The following PRKCE variants were observed in gnomAD, a reference collection of about 807,000 sequenced individuals.
PRKCE encodes protein kinase C epsilon, also known as protein kinase C epsilon type.
A neutral mutation model predicts 85.4 loss-of-function variants in PRKCE; 16 were observed. The observed-to-expected ratio is 0.19, with a 90% CI of 0.13 to 0.28. PRKCE has a LOEUF of 0.28. PRKCE is among the 10% of genes least tolerant of loss of function. PRKCE has a pLI of 1.00. For synonymous variants in PRKCE, 388 were observed against 371.5 expected (o/e 1.04, Z -0.51); for missense variants, 573 against 975.2 (o/e 0.59, Z 5.49).
Position 45,697,560 on chromosome 2 carries a change from T to G in PRKCE, c.348+45112T>G, listed in dbSNP as rs1678258243. On this transcript the variant is annotated intron_variant, in intron 1 of 14. Coordinates refer to ENST00000306156, the MANE Select transcript of PRKCE (RefSeq NM_005400.3). This position sits in a 1 kb window ranked among gnomAD's most constrained non-coding sequence, Gnocchi z 4.2. ...CTGCTCTTCACTCAGGGTGGACTGG[T>G]TGGCATCTCTATGTGGGTGGCATCT... 6.6e-6 allele frequency among the ~76,000 whole-genome samples: 1 copy of G among 152,138 alleles called. No individual in the cohort carries two copies. Among genetic ancestry groups the G allele is most frequent in the African/African-American group, 2.4e-5 (1 of 41,414 alleles).
chr2:45,722,506 C>T (rs1473170262), intron 1 of PRKCE, among the ~76,000 whole-genome samples: 4 of 152,242 alleles, frequency 2.6e-5, no homozygotes, highest in African/African-American at 9.6e-5. Flanking sequence ...TTGGGAACCA[C>T]TGCTTACATT....
At chr2:45,701,854 TTCTTC>T (rs1451887434) in intron 1 of PRKCE, among the ~76,000 whole-genome samples, 1 of 152,170 alleles carries the variant, frequency 6.6e-6, no homozygotes, top group African/African-American at 2.4e-5. Flanking sequence ...ATTTTTTTCC[TTCTTC>T]TCTTAGTATC....
intron 1 of PRKCE, among the ~76,000 whole-genome samples, chr2:45,658,960 G>A (rs949923855): frequency 6.6e-6 from 1 of 152,170 alleles, no homozygotes; most frequent in African/African-American, 2.4e-5. Context: ...TTATTGAAGA[G>A]GTATGGGTAA....
chr2:45,829,284 G>A (rs12469340), intron 1 of PRKCE, among the ~76,000 whole-genome samples: 94,299 of 151,986 alleles, frequency 0.62, 30,389 homozygotes, highest in African/African-American at 0.8. Context: ...ACATTTCGTC[G>A]GCAGCGTATA....
At chr2:45,785,774 C>G (rs1253998948) in intron 1 of PRKCE, among the ~76,000 whole-genome samples, 7 of 152,160 alleles carry the variant, frequency 4.6e-5, no homozygotes, top group Non-Finnish European at 8.8e-5. Context: ...GTTAGGGGAT[C>G]TGTGGTGAAC....
At chr2:45,695,810 C>G (rs1469923403) in intron 1 of PRKCE, among the ~76,000 whole-genome samples, 1 of 152,232 alleles carries the variant, frequency 6.6e-6, no homozygotes. Flanking sequence ...ATGTACCATG[C>G]TTGTAGGATG....
chr2:45,669,739 G>C (rs1030458997), intron 1 of PRKCE, among the ~76,000 whole-genome samples: 1 of 152,180 alleles, frequency 6.6e-6, no homozygotes, highest in African/African-American at 2.4e-5. Context: ...GGCCGGGCAT[G>C]GTGGCTCATG....
At chr2:45,879,887 T>TAAATATCCTCCTCCTACCTATTTG (rs1694757544) in intron 2 of PRKCE, among the ~76,000 whole-genome samples, 1 of 152,226 alleles carries the variant, frequency 6.6e-6, no homozygotes, top group Non-Finnish European at 1.5e-5. Flanking sequence ...TTGGGAATGT[T>TAAATATCCTCCTCCTACCTATTTG]AAATATCCTC....
intron 1 of PRKCE, among the ~76,000 whole-genome samples, chr2:45,765,739 C>T (rs542268012): frequency 2.6e-4 from 40 of 152,330 alleles, no homozygotes; most frequent in African/African-American, 8.9e-4. Context: ...AAAGATGAGA[C>T]CACCCAGTGG....
chr2:45,912,124 G>C (rs1478174597), intron 2 of PRKCE, among the ~76,000 whole-genome samples: 6 of 152,028 alleles, frequency 3.9e-5, no homozygotes, highest in Admixed American at 3.9e-4. Flanking sequence ...CCCTCTCATA[G>C]AACTGGGGAG....
At chr2:46,085,735 C>CTTTTT (rs1669542203) in intron 10 of PRKCE, among the ~76,000 whole-genome samples, 1 of 100,994 alleles carries the variant, frequency 9.9e-6, no homozygotes, top group East Asian at 3.3e-4. Flanking sequence ...CTGCAAAATC[C>CTTTTT]GTTTTTTTTT....
intron 1 of PRKCE, among the ~76,000 whole-genome samples, chr2:45,678,114 T>G (rs924858934): frequency 1.9e-4 from 29 of 152,218 alleles, no homozygotes; most frequent in African/African-American, 6.5e-4. Flanking sequence ...CTCACCAATT[T>G]CTTTTTGGTT....
chr2:45,952,603 T>C (rs1574003299), intron 2 of PRKCE, among the ~76,000 whole-genome samples: 1 of 152,228 alleles, frequency 6.6e-6, no homozygotes, highest in African/African-American at 2.4e-5. Context: ...TACCAAACAG[T>C]TGAATTAAGA....
At chr2:46,002,827 T>C (rs938851119) in intron 7 of PRKCE, among the ~76,000 whole-genome samples, 3 of 152,362 alleles carry the variant, frequency 2.0e-5, no homozygotes, top group Non-Finnish European at 4.4e-5. Context: ...TGCAAACACA[T>C]TTAAAAGCTC....
rs7571387 is a variant in PRKCE, at chr2:46,107,868, A to G, written c.1592+21506A>G. Among the ~76,000 whole-genome samples, 857 of 152,268 alleles carry G rather than the reference A, an allele frequency of 5.6e-3. 10 individuals carry two copies. Among genetic ancestry groups the G allele is most frequent in the African/African-American group, 0.02 (814 of 41,556 alleles). ...TGTATATCTGTATATCTGTAAAGGT[A>G]TCCTTACAGATCTTTTGCCCATTTT... On this transcript the variant is annotated intron_variant, in intron 11 of 14. Coordinates refer to ENST00000306156, the MANE Select transcript of PRKCE (RefSeq NM_005400.3).
intron 10 of PRKCE, among the ~76,000 whole-genome samples, chr2:46,056,719 T>G (rs1666615123): frequency 6.6e-6 from 1 of 152,214 alleles, no homozygotes; most frequent in Non-Finnish European, 1.5e-5. Context: ...CATCATCATG[T>G]CATCCTTCCA....
At chr2:45,891,924 T>A (rs1695752724) in intron 2 of PRKCE, among the ~76,000 whole-genome samples, 1 of 152,162 alleles carries the variant, frequency 6.6e-6, no homozygotes, top group Admixed American at 6.5e-5. Flanking sequence ...CGTCCCCACG[T>A]CTTCCTACAC....
chr2:46,018,874 C>T (rs1305724558), intron 10 of PRKCE, among the ~76,000 whole-genome samples: 1 of 152,238 alleles, frequency 6.6e-6, no homozygotes, highest in Non-Finnish European at 1.5e-5. Context: ...CGTAGACATT[C>T]TGCATCGGGG....
At chr2:45,727,870 G>A (rs1041592095) in intron 1 of PRKCE, among the ~76,000 whole-genome samples, 1 of 152,088 alleles carries the variant, frequency 6.6e-6, no homozygotes, top group African/African-American at 2.4e-5. Context: ...GGTCAGGCTG[G>A]TCTCAAACTC....
Sources: gnomAD v4.1 joint callset for allele counts (sites outside exome capture counted in the v4.1 genomes callset) on GRCh38, gnomAD v4.1.1 for gene constraint, Gnocchi (gnomAD v3.1) non-coding constraint, MANE v1.5 for transcripts, NCBI Gene and HGNC (gene_info 2026-07-23, HGNC 2026-07-21) for gene names.